The following KDSR variants were observed in gnomAD, a reference collection of about 807,000 sequenced individuals.
KDSR encodes the protein 3-ketodihydrosphingosine reductase.
KDSR carries 23 observed loss-of-function variants against 41.3 expected under a neutral mutation model. That is an observed-to-expected ratio of 0.56 (90% confidence interval 0.40 to 0.79). The LOEUF is 0.79. Ranked by LOEUF, KDSR falls within the 30% of genes least tolerant of loss-of-function variation. The pLI is 0.00. For synonymous variants in KDSR, 138 were observed against 151.7 expected (o/e 0.91, Z 0.66); for missense variants, 351 against 416.8 (o/e 0.84, Z 1.37).
At chr18:63,341,805 A>C (rs1914347513) in intron 7 of KDSR, among the ~76,000 whole-genome samples, 1 of 152,242 alleles carries the variant, frequency 6.6e-6, no homozygotes, top group Non-Finnish European at 1.5e-5. Context: ...GAAGCTGGAA[A>C]TCAATAAATG....
In KDSR at chr18:63,355,043, AACCTTGTTCAGCTTC is replaced by A. The variant is rs1244748688; in HGVS notation, c.417+146_417+160del. Among the ~76,000 whole-genome samples, 4 of 152,294 alleles carry A rather than the reference AACCTTGTTCAGCTTC, an allele frequency of 2.6e-5. No homozygotes were observed. In the East Asian group the frequency reaches 7.7e-4, roughly 29 times the overall value. ...TCAATGGTCCTGACACTGGGATGAA[AACCTTGTTCAGCTTC>A]ACCTTGTTCAGCCTTCCTCTAGAGT... is the stretch of plus-strand genomic sequence containing the variant. On this transcript the variant is annotated intron_variant, in intron 5 of 9. Coordinates refer to ENST00000645214, the MANE Select transcript of KDSR (RefSeq NM_002035.4).
chr18:63,348,608 T>C (rs1250143797), intron 6 of KDSR, among the ~76,000 whole-genome samples: 1 of 152,166 alleles, frequency 6.6e-6, no homozygotes. Flanking sequence ...ACAGAAGTCA[T>C]ACAGACTTGA....
At chr18:63,355,647 A>G (rs1914774919) in intron 3 of KDSR, 84 bp from the exon 4 acceptor site, 1 of 1,434,286 alleles carries the variant, frequency 7.0e-7, no homozygotes, top group Non-Finnish European at 9.1e-7. Flanking sequence ...AAGACAGTTC[A>G]TTGAATACAG....
Position 63,362,810 on chromosome 18 carries a change from CCTT to C in KDSR, c.164_166del (p.Gln55_Gly56delinsArg), listed in dbSNP as rs1114167450. On this transcript the variant is annotated inframe_deletion, in exon 2 of 10. Transcript: ENST00000645214. ...TCGTGCAACCAGAGTTATAAAAGCT[CCTT>C]GTTTATAGCACTCGATAGCAATGCA... 6 of 1,613,560 alleles carry C rather than the reference CCTT, an allele frequency of 3.7e-6. No homozygotes were observed. Among genetic ancestry groups the C allele is most frequent in the Non-Finnish European group, 3.4e-6 (4 of 1,179,556 alleles).
intron 7 of KDSR, chr18:63,344,207 C>T (rs1914430214): frequency 8.0e-6 from 4 of 496,994 alleles, no homozygotes; most frequent in Non-Finnish European, 1.4e-5. Context: ...GAAATTTAAA[C>T]TTTAAGAAAA....
At chr18:63,337,113 A>ATATATATATATATATATAT (rs1555713254) in intron 8 of KDSR, among the ~76,000 whole-genome samples, 1 of 127,772 alleles carries the variant, frequency 7.8e-6, no homozygotes, top group Non-Finnish European at 1.6e-5. Context: ...TATATATGTG[A>ATATATATATATATATATAT]ATATATATAT....
chr18:63,344,697 G>A (rs2255302), intron 6 of KDSR: 309,651 of 473,180 alleles, frequency 0.65, 105,765 homozygotes, highest in Admixed American at 0.74. Context: ...ACCCTAACCT[G>A]GACCCCAGAA....
At chr18:63,354,139 G>C (rs1376674780) in intron 5 of KDSR, among the ~76,000 whole-genome samples, 1 of 152,080 alleles carries the variant, frequency 6.6e-6, no homozygotes, top group Non-Finnish European at 1.5e-5. Context: ...GATAAAGAGA[G>C]AGGTTTAAGG....
In KDSR at chr18:63,329,099, C is replaced by T. The variant is rs1288055881; in HGVS notation, c.*2683G>A. The T allele has an allele frequency of 5.0e-6, 1 of 198,472 alleles. No homozygotes were observed. Among genetic ancestry groups the T allele is most frequent in the Non-Finnish European group, 1.0e-5 (1 of 96,078 alleles). 12.3% of individuals were successfully genotyped at this position (198,472 alleles called of 1,614,324 possible). On this transcript the variant is annotated 3_prime_UTR_variant, in exon 10 of 10. Coordinates refer to ENST00000645214, the MANE Select transcript of KDSR (RefSeq NM_002035.4). ...TCCCCCAGCAGAAAAACAAGTTGTTCAAGCATTGAACCAAAAAATATAAAA... is the reference window on the plus strand; with the variant it reads ...TCCCCCAGCAGAAAAACAAGTTGTTTAAGCATTGAACCAAAAAATATAAAA...
chr18:63,354,012 T>C (rs953638627), intron 5 of KDSR, among the ~76,000 whole-genome samples: 3 of 151,842 alleles, frequency 2.0e-5, no homozygotes, highest in African/African-American at 7.3e-5. Flanking sequence ...TGTAGGACAA[T>C]GAAAAAAAAA....
In KDSR at chr18:63,330,143, T is replaced by C. The variant is rs1913934130; in HGVS notation, c.*1639A>G. On this transcript the variant is annotated 3_prime_UTR_variant, in exon 10 of 10. Transcript: ENST00000645214. ...TTATTTTTTAAAAAGTTAAGTCATT[T>C]AAAGTCAAGAGCTTCAAAAACTCAA... The C allele has an allele frequency of 5.2e-6, 1 of 194,092 alleles. No individual in the cohort carries two copies. Among genetic ancestry groups the C allele is most frequent in the African/African-American group, 2.3e-5 (1 of 43,160 alleles). The allele number at this position is 194,092 out of a possible 1,614,324, so 12.0% of individuals were successfully genotyped here. A position where few individuals can be genotyped will look rare whatever the true frequency, so the allele number is the denominator to read the frequency against.
chr18:63,357,792 A>T (rs1914844061), intron 3 of KDSR, among the ~76,000 whole-genome samples: 5 of 151,750 alleles, frequency 3.3e-5, no homozygotes, highest in Admixed American at 1.3e-4. Context: ...GTCCAGGCTG[A>T]TCTCAAACAC....
chr18:63,344,463 C>T lies in KDSR; in HGVS notation c.640G>A (p.Ala214Thr). ...GGTGTGTCTGTGTCTGGTGGGTAAG[C>T]AACTGTGATGTAGACATTATATGGC... is the stretch of plus-strand genomic sequence containing the variant. ...VKPYNVYITV[A>T]YPPDTDTPGF... The change falls in exon 7 of 10, where the codon GCT (alanine) becomes ACT (threonine). Residue 214 changes from alanine to threonine, a missense_variant. By Grantham distance (58) the Ala-to-Thr change is moderately conservative (BLOSUM62 0). Coordinates refer to ENST00000645214, the MANE Select transcript of KDSR (RefSeq NM_002035.4). The T allele has an allele frequency of 6.2e-7, 1 of 1,613,960 alleles. No individual in the cohort carries two copies. The highest frequency in any genetic ancestry group is 1.6e-4 in the Middle Eastern group (1 of 6,062).
chr18:63,354,294 G>A (rs1914738610), intron 5 of KDSR, among the ~76,000 whole-genome samples: 1 of 152,140 alleles, frequency 6.6e-6, no homozygotes, highest in Non-Finnish European at 1.5e-5. Context: ...CAGCCTCAGC[G>A]ACAGAGCAAG....
At chr18:63,332,862 A>G (rs1183163649) in intron 9 of KDSR, among the ~76,000 whole-genome samples, 3 of 151,614 alleles carry the variant, frequency 2.0e-5, no homozygotes. Context: ...AAGAGAATAG[A>G]AAAATCCCTT....
At chr18:63,366,803 C>A (rs1325336745) in intron 1 of KDSR, 1 of 387,482 alleles carries the variant, frequency 2.6e-6, no homozygotes, top group African/African-American at 2.1e-5. Context: ...CTAGGAGGAG[C>A]CCGAGGCTGC....
rs1263581767 is a variant in KDSR at position 63,367,190 on chromosome 18, G to C, written c.-72C>G. On this transcript the variant is annotated 5_prime_UTR_variant, in exon 1 of 10. Transcript: ENST00000645214. ...GGCAAGGCGCGCAGGGCTGGGCTGC[G>C]GCGAGGCGAGAATCACGCGCGGCGG... The C allele has an allele frequency of 4.0e-6, 3 of 743,646 alleles. No homozygotes were observed. Among genetic ancestry groups the C allele is most frequent in the South Asian group, 1.3e-4 (2 of 14,918 alleles). 46.1% of individuals were successfully genotyped at this position (743,646 alleles called of 1,614,324 possible).
At chr18:63,363,237 A>C (rs1291001462) in intron 1 of KDSR, among the ~76,000 whole-genome samples, 1 of 105,978 alleles carries the variant, frequency 9.4e-6, no homozygotes, top group Non-Finnish European at 1.9e-5. Context: ...TTTTTTTATT[A>C]TACTCTAAGT....
chr18:63,329,447 A>G lies in KDSR; in HGVS notation c.*2335T>C, dbSNP rs566538740. The G allele has an allele frequency of 9.7e-5, 20 of 206,986 alleles. No individual in the cohort carries two copies. The highest frequency in any genetic ancestry group is 1.9e-4 in the Non-Finnish European group (19 of 101,376). The allele number at this position is 206,986 out of a possible 1,614,324, so 12.8% of individuals were successfully genotyped here. A position where few individuals can be genotyped will look rare whatever the true frequency, so the allele number is the denominator to read the frequency against. On this transcript the variant is annotated 3_prime_UTR_variant, in exon 10 of 10. Transcript: ENST00000645214. Reference sequence around the variant, plus strand: ...ATTTTGCTGCCAAATGAATTACGGTATCAAATTTAGAAAAACACAAACCAA... The same window carrying G: ...ATTTTGCTGCCAAATGAATTACGGTGTCAAATTTAGAAAAACACAAACCAA...
Sources: allele counts gnomAD v4.1 joint callset (sites outside exome capture counted in the v4.1 genomes callset), GRCh38; gene constraint gnomAD v4.1.1; transcripts MANE v1.5; gene names NCBI Gene and HGNC (gene_info 2026-07-23, HGNC 2026-07-21).